The following DNAH9 variants were observed in gnomAD, a reference collection of about 807,000 sequenced individuals.
DNAH9 encodes the protein DNAH9 variant protein.
A neutral mutation model predicts 471.6 loss-of-function variants in DNAH9; 345 were observed. The observed-to-expected ratio is 0.73, with a 90% CI of 0.67 to 0.80. The LOEUF (loss-of-function observed/expected upper bound fraction) is 0.80. Ranked by LOEUF, DNAH9 falls within the 30% of genes least tolerant of loss-of-function variation. The pLI is 0.00. For missense variants in DNAH9, 5,407 were observed against 5,609.2 expected, an observed-to-expected ratio of 0.96 and a Z score of 1.15; for synonymous variants, 2,093 against 2,123.6, an observed-to-expected ratio of 0.99 and a Z score of 0.40.
chr17:11,723,769 G>A (rs1043595464), intron 27 of DNAH9, among the ~76,000 whole-genome samples: 5 of 151,910 alleles, frequency 3.3e-5, no homozygotes, highest in Non-Finnish European at 2.9e-5. Flanking sequence ...CTGGGTTCAC[G>A]TCATTCTCCT....
chr17:11,883,693 A>G lies in DNAH9; in HGVS notation c.10914A>G (p.Thr3638=), dbSNP rs1440896472. 7.4e-6 allele frequency: 12 copies of G among 1,614,178 alleles called. No individual in the cohort carries two copies. Among genetic ancestry groups the G allele is most frequent in the South Asian group, 1.1e-5 (1 of 91,080 alleles). ...SSASGNFLGE[T]VLVENLEITK... is the part of the protein sequence containing the mutation. ...CCTCTGGGAACTTCCTGGGAGAAAC[A>G]GTGCTGGTGGAAAACCTAGAGATCA... Residue 3638 remains threonine (T), a synonymous_variant, in exon 56 of 69, where the codon ACA becomes ACG. Coordinates refer to ENST00000262442, the MANE Select transcript of DNAH9 (RefSeq NM_001372.4).
rs756835987 is a variant in DNAH9, at chr17:11,747,682, G to A, written c.6526G>A (p.Val2176Ile). 52 of 1,614,002 alleles carry A rather than the reference G, an allele frequency of 3.2e-5. No individual in the cohort carries two copies. Among genetic ancestry groups the A allele is most frequent in the South Asian group, 5.5e-5 (5 of 91,084 alleles). Residue 2176 changes from valine (V) to isoleucine (I), a missense_variant, in exon 32 of 69, where the codon GTC becomes ATC. Around this residue, in one of 3 missense-constraint regions of DNAH9, gnomAD observed 4,636 missense variants for 4,900.3 expected, o/e 0.95. Coordinates refer to ENST00000262442, the MANE Select transcript of DNAH9 (RefSeq NM_001372.4). ...KTYQIMKRRP[V>I]WTDLNPKAVT... ...CTATCAGATCATGAAACGGCGCCCC[G>A]TCTGGACTGACCTCAATCCCAAAGC...
intron 60 of DNAH9, 40 bp downstream of exon 60, chr17:11,902,952 G>A: frequency 1.3e-6 from 2 of 1,585,756 alleles, no homozygotes; most frequent in Non-Finnish European, 1.7e-6. Context: ...ATAGGCATGG[G>A]GCAAGGGCAA....
At chr17:11,876,471 TA>T (rs1158471784) in intron 53 of DNAH9, among the ~76,000 whole-genome samples, 2 of 150,686 alleles carry the variant, frequency 1.3e-5, no homozygotes, top group Middle Eastern at 3.4e-3. Context: ...AAATTGAAGT[TA>T]AAAAAAAGGG....
chr17:11,945,095 G>C (rs12952221), intron 67 of DNAH9, among the ~76,000 whole-genome samples: 145,669 of 152,244 alleles, frequency 0.96, 70,013 homozygotes, highest in East Asian at 1. Flanking sequence ...GCAAGTCCCT[G>C]AGATGGAGCA....
intron 59 of DNAH9, among the ~76,000 whole-genome samples, chr17:11,900,808 G>A (rs752924313): frequency 7.2e-5 from 11 of 152,094 alleles, no homozygotes; most frequent in African/African-American, 1.2e-4. Context: ...ACGCAGTCTC[G>A]TCTAGCTTTT....
chr17:11,667,207 C>T (rs2073887752), intron 15 of DNAH9, among the ~76,000 whole-genome samples: 2 of 152,082 alleles, frequency 1.3e-5, no homozygotes, highest in South Asian at 2.1e-4. Flanking sequence ...TTTATAAGTA[C>T]ATAATATGTA....
Position 11,884,105 on chromosome 17 carries a change from G to A in DNAH9, c.10971+355G>A, listed in dbSNP as rs571093515. 3.6e-4 allele frequency among the ~76,000 whole-genome samples: 55 copies of A among 152,194 alleles called. 1 individual carries two copies. The highest frequency in any genetic ancestry group is 1.9e-3 in the South Asian group (9 of 4,820). On this transcript the variant is annotated intron_variant, in intron 56 of 68. Coordinates refer to ENST00000262442, the MANE Select transcript of DNAH9 (RefSeq NM_001372.4). ...GGAATTGCCCTGAAGCTAAGGAATC[G>A]CACTGCTGGAAAAGCCAACTGGTTT...
chr17:11,598,510 G>T lies in DNAH9; in HGVS notation c.12G>T (p.Ala4=), dbSNP rs899687183. The change falls in exon 1 of 69, where the codon GCG becomes GCT. Residue 4 remains alanine (A), a synonymous_variant. Coordinates refer to ENST00000262442, the MANE Select transcript of DNAH9 (RefSeq NM_001372.4). ...GGAGGCCGCGCGCGATGCGGCTCGCGGAGGAGCGGGCCGCGCTCGCGGCGG... is the reference window on the plus strand; with the variant it reads ...GGAGGCCGCGCGCGATGCGGCTCGCTGAGGAGCGGGCCGCGCTCGCGGCGG... MRL[A]EERAALAAEN... The T allele has an allele frequency of 2.9e-6, 4 of 1,379,226 alleles. No homozygotes were observed. Among genetic ancestry groups the T allele is most frequent in the Admixed American group, 7.6e-5 (2 of 26,486 alleles). The allele number at this position is 1,379,226 out of a possible 1,614,324, so 85.4% of individuals were successfully genotyped here. A position where few individuals can be genotyped will look rare whatever the true frequency, so the allele number is the denominator to read the frequency against.
chr17:11,901,480 G>T (rs1216576248), intron 59 of DNAH9, among the ~76,000 whole-genome samples: 1 of 152,130 alleles, frequency 6.6e-6, no homozygotes, highest in Admixed American at 6.5e-5. Flanking sequence ...TGGATCGCCT[G>T]AGGTCAGGAG....
intron 19 of DNAH9, 118 bp downstream of exon 19, chr17:11,681,007 C>T (rs1354520786): frequency 6.0e-6 from 6 of 992,988 alleles, no homozygotes; most frequent in Non-Finnish European, 8.8e-6. Flanking sequence ...TAATAATCTT[C>T]CTTCCCATTT....
At chr17:11,792,533 A>G (rs1448784014) in intron 41 of DNAH9, among the ~76,000 whole-genome samples, 1 of 152,228 alleles carries the variant, frequency 6.6e-6, no homozygotes, top group Non-Finnish European at 1.5e-5. Flanking sequence ...AAAGAAGGTT[A>G]GGACTTTGGC....
At chr17:11,732,428 G>A (rs1412287003) in intron 28 of DNAH9, among the ~76,000 whole-genome samples, 1 of 151,964 alleles carries the variant, frequency 6.6e-6, no homozygotes, top group Non-Finnish European at 1.5e-5. Context: ...CTGGCATATT[G>A]GTTCAGAAGC....
intron 67 of DNAH9, among the ~76,000 whole-genome samples, chr17:11,954,769 TAAAA>T (rs34740871): frequency 5.1e-5 from 6 of 118,732 alleles, no homozygotes; most frequent in Admixed American, 9.4e-5. Flanking sequence ...GACTTCGTCT[TAAAA>T]AAAAAAAAAA....
At chr17:11,908,455 T>C (rs1301469274) in intron 61 of DNAH9, among the ~76,000 whole-genome samples, 4 of 152,198 alleles carry the variant, frequency 2.6e-5, no homozygotes, top group African/African-American at 9.7e-5. Flanking sequence ...ATTTGTGTCT[T>C]TCTACAGTAT....
chr17:11,841,205 C>A (rs967138822), intron 49 of DNAH9, among the ~76,000 whole-genome samples: 1 of 152,016 alleles, frequency 6.6e-6, no homozygotes, highest in African/African-American at 2.4e-5. Context: ...GGGTGTTGAT[C>A]AAAGAAAATG....
At position 11,934,021 on chromosome 17, in the gene DNAH9, G is replaced by A. The variant is rs1974610473; in HGVS notation, c.12439G>A (p.Ala4147Thr). The A allele has an allele frequency of 1.2e-6, 2 of 1,614,128 alleles. No individual in the cohort carries two copies. Among genetic ancestry groups the A allele is most frequent in the Non-Finnish European group, 1.7e-6 (2 of 1,180,008 alleles). ...AATGTTAGAAGGAGAACTGTCTTTG[G>A]CCCCAGGGTTCCCACTCCCAGGCAA... The part of the protein sequence containing the change: ...PEMLEGELSL[A>T]PGFPLPGNMD... Residue 4147 changes from alanine to threonine, a missense_variant, in exon 65 of 69, where the codon GCC (alanine) becomes ACC (threonine). Transcript: ENST00000262442.
chr17:11,860,373 C>T (rs1383029612), intron 50 of DNAH9, among the ~76,000 whole-genome samples: 2 of 152,210 alleles, frequency 1.3e-5, no homozygotes, highest in East Asian at 1.9e-4. Context: ...TGCTTTGGCT[C>T]ATTCTCAGAG....
intron 28 of DNAH9, among the ~76,000 whole-genome samples, chr17:11,733,860 C>CAAAAAAAAAA (rs57515310): frequency 4.4e-5 from 5 of 113,150 alleles, no homozygotes; most frequent in African/African-American, 1.5e-4. Context: ...GACTCCATCT[C>CAAAAAAAAAA]AAAAAAAAAA....
Sources: gnomAD v4.1 joint callset for allele counts (sites outside exome capture counted in the v4.1 genomes callset) on GRCh38, gnomAD v4.1.1 for gene constraint, gnomAD v4.1.1 regional missense constraint, MANE v1.5 for transcripts, NCBI Gene and HGNC (gene_info 2026-07-23, HGNC 2026-07-21) for gene names.